The following ARMC9 variants were observed in gnomAD, a reference collection of about 807,000 sequenced individuals.
ARMC9 encodes lisH domain-containing protein ARMC9.
Under a neutral mutation model 107.0 loss-of-function variants are expected in ARMC9, and 94 were observed. The ratio of observed to expected loss-of-function variants is 0.88; its 90% CI spans 0.74 to 1.04. The LOEUF is 1.04. Ranked by LOEUF, ARMC9 falls within the 50% of genes least tolerant of loss-of-function variation. The pLI is 0.00. For missense variants in ARMC9, 942 were observed against 1,030.1 expected (o/e 0.91, Z 1.17); for synonymous variants, 380 against 396.9 (o/e 0.96, Z 0.51).
intron 21 of ARMC9, among the ~76,000 whole-genome samples, chr2:231,347,940 T>C (rs905649416): frequency 2.6e-5 from 4 of 152,226 alleles, no homozygotes; most frequent in Non-Finnish European, 4.4e-5. Context: ...AAAAATCCTT[T>C]TAGGATTTTG....
At chr2:231,354,261 T>G (rs1051242410) in intron 21 of ARMC9, among the ~76,000 whole-genome samples, 1 of 111,430 alleles carries the variant, frequency 9.0e-6, no homozygotes, top group Non-Finnish European at 1.6e-5. Flanking sequence ...CTCATCTCCA[T>G]TTAAAAAAAA....
At chr2:231,203,722 G>C (rs1368184115) in intron 1 of ARMC9, among the ~76,000 whole-genome samples, 1 of 152,170 alleles carries the variant, frequency 6.6e-6, no homozygotes, top group Non-Finnish European at 1.5e-5. Context: ...CACTTTGGGA[G>C]GCCGAGGCAG....
In ARMC9 at chr2:231,376,364, T is replaced by C. The variant is rs2046196581; in HGVS notation, c.*4829T>C. Among the ~76,000 whole-genome samples the C allele has an allele frequency of 6.6e-6, 1 of 152,146 alleles. No homozygotes were observed. Among genetic ancestry groups the C allele is most frequent in the South Asian group, 2.1e-4 (1 of 4,824 alleles). On this transcript the variant is annotated 3_prime_UTR_variant, in exon 25 of 25. Transcript: ENST00000611582. ...TATCGCTGAATTCTTTTTCTCAGCA[T>C]GGAACATCCCCTGAGAAAGAGAATG...
chr2:231,272,883 G>T, intron 13 of ARMC9, 72 bp from the exon 14 acceptor site: 1 of 1,543,114 alleles, frequency 6.5e-7, no homozygotes, highest in Non-Finnish European at 8.8e-7. Context: ...AGTTTTCGTG[G>T]AAAGTGGTTT....
intron 19 of ARMC9, among the ~76,000 whole-genome samples, chr2:231,326,084 T>C (rs1165150814): frequency 3.9e-5 from 6 of 152,196 alleles, no homozygotes; most frequent in African/African-American, 1.4e-4. Flanking sequence ...GAGCTCAGTC[T>C]TAGCCAGGCA....
At chr2:231,262,514 C>T in intron 12 of ARMC9, 116 bp downstream of exon 12, 1 of 998,830 alleles carries the variant, frequency 1.0e-6, no homozygotes, top group South Asian at 1.4e-5. Flanking sequence ...AACTGTATGT[C>T]AGCCTTGAGC....
In ARMC9 at chr2:231,325,043, G is replaced by A. The variant is rs770036391; in HGVS notation, c.1774-6750G>A. On this transcript the variant is annotated intron_variant, in intron 19 of 24. Coordinates refer to ENST00000611582, the MANE Select transcript of ARMC9 (RefSeq NM_001352754.2). Reference sequence around the variant, plus strand: ...GTTTGAGACCAGCCTGGGCAACATGGAAAAACCCTGTCTCTACCAAAAATA... The same window carrying A: ...GTTTGAGACCAGCCTGGGCAACATGAAAAAACCCTGTCTCTACCAAAAATA... Among the ~76,000 whole-genome samples, 29 of 152,110 alleles carry A rather than the reference G, an allele frequency of 1.9e-4. 1 individual carries two copies. The highest frequency in any genetic ancestry group is 6.5e-4 in the Admixed American group (10 of 15,272).
intron 19 of ARMC9, among the ~76,000 whole-genome samples, chr2:231,306,189 T>C (rs2125502848): frequency 6.6e-6 from 1 of 152,338 alleles, no homozygotes; most frequent in Admixed American, 6.5e-5. Context: ...TTTCCCTCCC[T>C]TATTACTTCC....
intron 9 of ARMC9, among the ~76,000 whole-genome samples, chr2:231,249,715 C>T (rs563132827): frequency 1.3e-5 from 2 of 152,318 alleles, no homozygotes; most frequent in South Asian, 2.1e-4. Context: ...TGGGTTACTA[C>T]ATTAGTTGTT....
intron 12 of ARMC9, among the ~76,000 whole-genome samples, chr2:231,263,891 A>G (rs1336690703): frequency 6.6e-6 from 1 of 152,228 alleles, no homozygotes; most frequent in Non-Finnish European, 1.5e-5. Flanking sequence ...TTAAAGAGTA[A>G]AGTCAATACT....
intron 19 of ARMC9, among the ~76,000 whole-genome samples, chr2:231,305,425 A>G (rs181633728): frequency 2.0e-5 from 3 of 152,392 alleles, no homozygotes; most frequent in East Asian, 3.9e-4. Context: ...AAGTATTTAC[A>G]TAAGAGATCT....
At chr2:231,208,485 A>G (rs1359973843) in intron 3 of ARMC9, among the ~76,000 whole-genome samples, 1 of 152,248 alleles carries the variant, frequency 6.6e-6, no homozygotes, top group East Asian at 1.9e-4. Context: ...GAAGAAGGAA[A>G]AGAAGAAACC....
intron 3 of ARMC9, among the ~76,000 whole-genome samples, chr2:231,210,311 C>T (rs1559290263): frequency 6.6e-6 from 1 of 152,198 alleles, no homozygotes; most frequent in Non-Finnish European, 1.5e-5. Flanking sequence ...ACCCCCCACA[C>T]CTAGAACGAT....
At chr2:231,275,406 A>G (rs1255221501) in intron 14 of ARMC9, among the ~76,000 whole-genome samples, 1 of 152,194 alleles carries the variant, frequency 6.6e-6, no homozygotes, top group Non-Finnish European at 1.5e-5. Context: ...TAGTCTCAGC[A>G]ATTCTTAAAG....
rs534702260 is a variant in ARMC9, at chr2:231,214,799, A to G, written c.178-32A>G. 252 of 1,600,502 alleles carry G rather than the reference A, an allele frequency of 1.6e-4. 3 individuals are homozygous for G. The South Asian group carries it at 2.5e-3, about 16-fold the overall frequency. On this transcript the variant is annotated intron_variant, in intron 3 of 24. Transcript: ENST00000611582. ...AGAATTTTGGGTGTTGAAATTTACA[A>G]CGAGGTATGTAGTCTGATGTCTTCT...
rs2042352397 is a variant in ARMC9, at chr2:231,311,599, G to A, written c.1773+15346G>A. 3.3e-5 allele frequency among the ~76,000 whole-genome samples: 5 copies of A among 151,898 alleles called. No homozygotes were observed. The South Asian group carries it at 1.0e-3, about 32-fold the overall frequency. ...AGCCTGGCCAACATGGTGAAACACCGTCTCTACTAAAAGTACAAAAATTAG... is the reference window on the plus strand; with the variant it reads ...AGCCTGGCCAACATGGTGAAACACCATCTCTACTAAAAGTACAAAAATTAG... On this transcript the variant is annotated intron_variant, in intron 19 of 24. Transcript: ENST00000611582.
chr2:231,341,371 A>G (rs923624756), intron 20 of ARMC9, among the ~76,000 whole-genome samples: 18 of 152,178 alleles, frequency 1.2e-4, no homozygotes, highest in African/African-American at 4.3e-4. Flanking sequence ...AGGTCAGCCA[A>G]ATCTGCCCCT....
intron 1 of ARMC9, among the ~76,000 whole-genome samples, chr2:231,205,088 C>A (rs2031758500): frequency 6.6e-6 from 1 of 151,922 alleles, no homozygotes; most frequent in Admixed American, 6.6e-5. Flanking sequence ...AGAGATCTGA[C>A]TGAGTGTGGT....
intron 20 of ARMC9, among the ~76,000 whole-genome samples, chr2:231,343,064 C>T (rs1199029431): frequency 2.0e-5 from 3 of 152,226 alleles, no homozygotes; most frequent in Middle Eastern, 3.4e-3. Flanking sequence ...CAGGCATGCA[C>T]CACCAGGCCT....
Sources: gnomAD v4.1 joint callset for allele counts (sites outside exome capture counted in the v4.1 genomes callset) on GRCh38, gnomAD v4.1.1 for gene constraint, MANE v1.5 for transcripts, NCBI Gene and HGNC (gene_info 2026-07-23, HGNC 2026-07-21) for gene names.